The following ANK3 variants were observed in gnomAD, a reference collection of about 807,000 sequenced individuals.
ANK3 encodes the protein ankyrin-3.
In ANK3, 57 loss-of-function variants were observed where a neutral mutation model predicts 370.9. The ratio of observed to expected loss-of-function variants is 0.15; its 90% CI spans 0.12 to 0.19. The LOEUF is 0.19. Ranked by LOEUF, ANK3 falls within the 10% of genes least tolerant of loss-of-function variation. The pLI is 1.00. For missense variants in ANK3, 4,439 were observed against 5,302.1 expected, an observed-to-expected ratio of 0.84 and a Z score of 5.06; for synonymous variants, 1,929 against 1,946.3, an observed-to-expected ratio of 0.99 and a Z score of 0.23.
chr10:60,322,637 G>A (rs1184930532), intron 1 of ANK3, among the ~76,000 whole-genome samples: 2 of 152,082 alleles, frequency 1.3e-5, no homozygotes, highest in African/African-American at 4.8e-5. Context: ...TCTCTTAGCA[G>A]ATTTTTTTGT....
intron 2 of ANK3, among the ~76,000 whole-genome samples, chr10:60,431,886 T>C (rs1242349686): frequency 6.6e-6 from 1 of 152,188 alleles, no homozygotes; most frequent in Non-Finnish European, 1.5e-5. Context: ...CGTGGTGTCT[T>C]TGCCCTTCTG....
At chr10:60,459,768 A>AT (rs2064837664) in intron 2 of ANK3, among the ~76,000 whole-genome samples, 1 of 152,132 alleles carries the variant, frequency 6.6e-6, no homozygotes, top group South Asian at 2.1e-4. Flanking sequence ...AGTTCCTTCA[A>AT]TGGGCTCCTA....
At chr10:60,696,765 A>G (rs919335595) in intron 1 of ANK3, among the ~76,000 whole-genome samples, 4 of 145,998 alleles carry the variant, frequency 2.7e-5, no homozygotes, top group Non-Finnish European at 6.0e-5. Context: ...AAATAATAAG[A>G]GCTATCTATG....
intron 43 of ANK3, among the ~76,000 whole-genome samples, chr10:60,036,114 G>A (rs10761443): frequency 0.17 from 25,455 of 151,916 alleles, 2,506 homozygotes; most frequent in Admixed American, 0.24. Flanking sequence ...GAGGAATAAG[G>A]ATACCTGTTG....
intron 1 of ANK3, among the ~76,000 whole-genome samples, chr10:60,339,184 A>T (rs1329936154): frequency 1.3e-5 from 2 of 151,708 alleles, no homozygotes; most frequent in East Asian, 3.9e-4. Flanking sequence ...TATGGTTTCC[A>T]CTAACATCTG....
At chr10:60,198,637 A>G in intron 13 of ANK3, 100 bp from the exon 14 acceptor site, 1 of 1,094,422 alleles carries the variant, frequency 9.1e-7, no homozygotes, top group Non-Finnish European at 1.4e-6. Flanking sequence ...TAAGAGGTAC[A>G]ATCAACTTTT....
chr10:60,689,441 C>A (rs1316002929), intron 1 of ANK3, among the ~76,000 whole-genome samples: 1 of 151,932 alleles, frequency 6.6e-6, no homozygotes. Context: ...CAAATGAAAT[C>A]ACTTACAGCA....
intron 24 of ANK3, among the ~76,000 whole-genome samples, chr10:60,135,634 T>C (rs1433584011): frequency 6.6e-6 from 1 of 152,244 alleles, no homozygotes; most frequent in Non-Finnish European, 1.5e-5. Context: ...CTTTACCAGT[T>C]GAACCAGCCA....
intron 1 of ANK3, among the ~76,000 whole-genome samples, chr10:60,664,953 A>C (rs1012452118): frequency 6.6e-6 from 1 of 152,208 alleles, no homozygotes; most frequent in Non-Finnish European, 1.5e-5. Context: ...TAAACCATAG[A>C]ATCAATTATA....
rs1240212357 is a variant in ANK3 at position 60,055,696 on chromosome 10, G to A, written c.13027C>T (p.Leu4343Phe). The change falls in exon 42 of 44, where the codon CTC (leucine) becomes TTC (phenylalanine). Residue 4343 changes from leucine to phenylalanine, a missense_variant. Physicochemically the swap from Leu to Phe is conservative, Grantham distance 22. Transcript: ENST00000280772. ...SPADGKPRLS[L>F]HEEEGSSGSE... Reference sequence around the variant, plus strand: ...CCACTGGACCCCTCTTCTTCATGGAGGCTAAGCCTTGGCTTGCCATCTGCT... The same window carrying A: ...CCACTGGACCCCTCTTCTTCATGGAAGCTAAGCCTTGGCTTGCCATCTGCT... The A allele has an allele frequency of 6.2e-7, 1 of 1,613,834 alleles. No homozygotes were observed. The highest frequency in any genetic ancestry group is 8.5e-7 in the Non-Finnish European group (1 of 1,179,968).
In ANK3 at chr10:60,095,657, C is replaced by T. The variant is rs113797779; in HGVS notation, c.3329-7299G>A. Among the ~76,000 whole-genome samples, 438 of 152,294 alleles carry T rather than the reference C, an allele frequency of 2.9e-3. 3 individuals are homozygous for T. The highest frequency in any genetic ancestry group is 6.4e-3 in the Admixed American group (98 of 15,290). On this transcript the variant is annotated intron_variant, in intron 28 of 43. Coordinates refer to ENST00000280772, the MANE Select transcript of ANK3 (RefSeq NM_020987.5). ...TCAACCTCTCAAAGTATTTGGATTA[C>T]AGGCGTGAGCCGCTGTGCCTGGCCT... is the stretch of plus-strand genomic sequence containing the variant.
chr10:60,043,277 C>T (rs897164067), intron 42 of ANK3: 7 of 985,330 alleles, frequency 7.1e-6, no homozygotes, highest in Non-Finnish European at 8.4e-6. Context: ...ATACAGTTCC[C>T]CGAGAGCAAG....
At chr10:60,447,510 T>C (rs2064480636) in intron 2 of ANK3, among the ~76,000 whole-genome samples, 1 of 152,114 alleles carries the variant, frequency 6.6e-6, no homozygotes, top group African/African-American at 2.4e-5. Context: ...GCATCTCAGT[T>C]CTTGTCATTG....
At chr10:60,226,627 T>G (rs1182206214) in intron 8 of ANK3, among the ~76,000 whole-genome samples, 1 of 102,882 alleles carries the variant, frequency 9.7e-6, no homozygotes, top group African/African-American at 3.2e-5. Flanking sequence ...AGTCACTATA[T>G]ATTATATATA....
At chr10:60,437,401 T>A (rs1361234857) in intron 2 of ANK3, among the ~76,000 whole-genome samples, 1 of 152,236 alleles carries the variant, frequency 6.6e-6, no homozygotes, top group Non-Finnish European at 1.5e-5. Flanking sequence ...ACCTTTAGCA[T>A]GTCCTTAACT....
In ANK3 at chr10:60,386,260, G is replaced by T. The variant is rs189947212; in HGVS notation, c.114+3165C>A. ...GCCCGTGAGCAGAGAAGTGTGAAGGGAAAAAGATATGGCAGGGAAGGGCAG... is the reference window on the plus strand; with the variant it reads ...GCCCGTGAGCAGAGAAGTGTGAAGGTAAAAAGATATGGCAGGGAAGGGCAG... On this transcript the variant is annotated intron_variant, in intron 1 of 43. Coordinates refer to ENST00000280772, the MANE Select transcript of ANK3 (RefSeq NM_020987.5). Among the ~76,000 whole-genome samples the T allele has an allele frequency of 1.8e-3, 276 of 152,182 alleles. 4 individuals carry two copies. The highest frequency in any genetic ancestry group is 9.1e-4 in the Non-Finnish European group (62 of 68,012).
At chr10:60,122,540 C>G (rs985914679) in intron 25 of ANK3, among the ~76,000 whole-genome samples, 1 of 152,204 alleles carries the variant, frequency 6.6e-6, no homozygotes, top group Non-Finnish European at 1.5e-5. Flanking sequence ...TCAGAGATGC[C>G]CCAGCATCAC....
chr10:60,140,687 G>T, intron 23 of ANK3: 1 of 1,256,646 alleles, frequency 8.0e-7, no homozygotes, highest in Non-Finnish European at 1.0e-6. Context: ...CTTCTGATTG[G>T]ATTAAAAACT....
chr10:60,441,357 T>C (rs2064295069), intron 2 of ANK3, among the ~76,000 whole-genome samples: 1 of 152,188 alleles, frequency 6.6e-6, no homozygotes. Flanking sequence ...CTAAAAAATC[T>C]AGGTGAAAGC....
Sources: gnomAD v4.1 joint callset for allele counts (sites outside exome capture counted in the v4.1 genomes callset) on GRCh38, gnomAD v4.1.1 for gene constraint, MANE v1.5 for transcripts, NCBI Gene and HGNC (gene_info 2026-07-23, HGNC 2026-07-21) for gene names.